OLAH: variants seen among roughly 807,000 people sequenced by gnomAD.
The protein encoded by OLAH is S-acyl fatty acid synthase thioesterase, medium chain.
Under a neutral mutation model 27.8 loss-of-function variants are expected in OLAH, and 33 were observed. That is an observed-to-expected ratio of 1.19 (90% CI 0.90 to 1.59). The LOEUF is 1.59. Among genes scored for constraint, OLAH ranks in the 40% most tolerant of loss-of-function variants. The pLI is 0.00. For missense variants in OLAH, 359 were observed against 310.8 expected, an observed-to-expected ratio of 1.16 and a Z score of -1.17; for synonymous variants, 120 against 102.9, an observed-to-expected ratio of 1.17 and a Z score of -1.01.
chr10:15,052,835 C>T lies in OLAH; in HGVS notation c.163+3070C>T, dbSNP rs577676996. On this transcript the variant is annotated intron_variant, in intron 3 of 7. Coordinates refer to ENST00000378228, the MANE Select transcript of OLAH (RefSeq NM_001039702.3). Reference sequence around the variant, plus strand: ...TCGGCTCACTGCAGCCTCTGCCTCCCGGGTTCAAGTGATCCTCCTGCCTCA... The same window carrying T: ...TCGGCTCACTGCAGCCTCTGCCTCCTGGGTTCAAGTGATCCTCCTGCCTCA... 4.1e-3 allele frequency among the ~76,000 whole-genome samples: 610 copies of T among 149,708 alleles called. 4 individuals carry two copies. The highest frequency in any genetic ancestry group is 0.025 in the Middle Eastern group (7 of 284).
At chr10:15,062,588 T>C (rs1203783184) in intron 4 of OLAH, among the ~76,000 whole-genome samples, 1 of 150,608 alleles carries the variant, frequency 6.6e-6, no homozygotes, top group East Asian at 1.9e-4. Flanking sequence ...TATATTATAG[T>C]AATATTAAAT....
intron 1 of OLAH, 110 bp downstream of exon 1, chr10:15,044,096 T>C (rs889941785): frequency 2.6e-5 from 4 of 152,216 alleles, no homozygotes; most frequent in African/African-American, 7.2e-5. Context: ...AATCTGCGAA[T>C]ATTGCTTTGT....
intron 6 of OLAH, chr10:15,071,508 A>G (rs771159219): frequency 2.3e-4 from 222 of 984,794 alleles, no homozygotes; most frequent in Non-Finnish European, 2.6e-4. Context: ...ATGACAGTTT[A>G]AAGGACTGGT....
intron 1 of OLAH, among the ~76,000 whole-genome samples, chr10:15,034,695 C>T (rs1450433771): frequency 1.3e-5 from 2 of 152,100 alleles, no homozygotes; most frequent in Non-Finnish European, 2.9e-5. Flanking sequence ...TGGGAGCTCA[C>T]GGTGGGTTCC....
chr10:15,039,844 T>G (rs1283381343), upstream of OLAH, among the ~76,000 whole-genome samples: 2 of 152,194 alleles, frequency 1.3e-5, no homozygotes, highest in Non-Finnish European at 2.9e-5. Flanking sequence ...TTACGATGAT[T>G]TGTTAAGCAA....
At chr10:15,052,768 A>ACCCAGGC (rs67524559) in intron 3 of OLAH, among the ~76,000 whole-genome samples, 3 of 131,104 alleles carry the variant, frequency 2.3e-5, no homozygotes, top group African/African-American at 5.8e-5. Flanking sequence ...TCACTCTGTC[A>ACCCAGGC]CCCAGGCCCC....
At chr10:15,053,390 C>A (rs768263676) in intron 3 of OLAH, among the ~76,000 whole-genome samples, 3 of 152,148 alleles carry the variant, frequency 2.0e-5, no homozygotes, top group Non-Finnish European at 2.9e-5. Flanking sequence ...TTCACACATG[C>A]GCACTAAGAG....
chr10:15,041,777 T>C (rs1843924252), upstream of OLAH, among the ~76,000 whole-genome samples: 1 of 152,032 alleles, frequency 6.6e-6, no homozygotes, highest in African/African-American at 2.4e-5. Context: ...GGTTTCACCA[T>C]GTTGGCCAGG....
upstream of OLAH, among the ~76,000 whole-genome samples, chr10:15,041,055 G>A (rs1303792431): frequency 1.3e-5 from 2 of 152,200 alleles, no homozygotes; most frequent in African/African-American, 4.8e-5. Context: ...TTGGTGCTCA[G>A]TCCAAATGCC....
upstream of OLAH, among the ~76,000 whole-genome samples, chr10:15,042,086 G>A (rs1564525533): frequency 6.6e-6 from 1 of 151,978 alleles, no homozygotes; most frequent in African/African-American, 2.4e-5. Flanking sequence ...TTGAGTTTGA[G>A]GAGAGTATGC....
intron 1 of OLAH, among the ~76,000 whole-genome samples, chr10:15,035,855 G>C (rs1843833645): frequency 6.6e-6 from 1 of 152,148 alleles, no homozygotes; most frequent in Admixed American, 6.5e-5. Context: ...AAAAGAGCCT[G>C]AGGTTTTGTA....
intron 3 of OLAH, 48 bp downstream of exon 3, chr10:15,049,813 C>T (rs773663673): frequency 1.3e-6 from 2 of 1,545,574 alleles, no homozygotes; most frequent in South Asian, 1.2e-5. Context: ...GGGCAGATGA[C>T]ATAAATGTAT....
intron 1 of OLAH, among the ~76,000 whole-genome samples, chr10:15,045,662 G>A (rs1443069365): frequency 6.6e-6 from 1 of 152,154 alleles, no homozygotes; most frequent in Non-Finnish European, 1.5e-5. Flanking sequence ...AAAGCTTTAA[G>A]CTGAGGGATT....
At chr10:15,053,597 GCCAATGTATAAAACC>G (rs1189752727) in intron 3 of OLAH, among the ~76,000 whole-genome samples, 2 of 152,166 alleles carry the variant, frequency 1.3e-5, no homozygotes, top group Non-Finnish European at 2.9e-5. Flanking sequence ...CCCGAAGCAT[GCCAATGTATAAAACC>G]CCAAGTCAAA....
At chr10:15,056,706 T>C (rs1844252013) in intron 3 of OLAH, 2 of 1,118,586 alleles carry the variant, frequency 1.8e-6, no homozygotes, top group Admixed American at 4.2e-5. Context: ...TCTTGGCTCA[T>C]TGCAGCCTTA....
upstream of OLAH, among the ~76,000 whole-genome samples, chr10:15,042,089 G>A (rs1843929466): frequency 6.6e-6 from 1 of 152,036 alleles, no homozygotes; most frequent in Non-Finnish European, 1.5e-5. Flanking sequence ...AGTTTGAGGA[G>A]AGTATGCACA....
At chr10:15,038,529 G>C (rs577414050) in intron 1 of OLAH, 87 of 152,238 alleles carry the variant, frequency 5.7e-4, no homozygotes, top group African/African-American at 2.0e-3. Flanking sequence ...TGCTATTTTT[G>C]TGTTAGTGAA....
intron 6 of OLAH, among the ~76,000 whole-genome samples, chr10:15,066,895 C>T (rs1299820268): frequency 1.3e-5 from 2 of 152,156 alleles, no homozygotes; most frequent in African/African-American, 2.4e-5. Flanking sequence ...CCACCTCAGC[C>T]TCCCAAAGTA....
intron 3 of OLAH, among the ~76,000 whole-genome samples, chr10:15,058,279 C>T (rs1844285589): frequency 6.6e-6 from 1 of 151,932 alleles, no homozygotes; most frequent in African/African-American, 2.4e-5. Flanking sequence ...TTTTCGTGCA[C>T]ATGGGGTCTC....
Sources: allele counts gnomAD v4.1 joint callset (sites outside exome capture counted in the v4.1 genomes callset), GRCh38; gene constraint gnomAD v4.1.1; transcripts MANE v1.5; gene names NCBI Gene and HGNC (gene_info 2026-07-23, HGNC 2026-07-21).